Variants in TENM3 observed in about 807,000 individuals in gnomAD.
The protein encoded by TENM3 is teneurin transmembrane protein 3, also known as teneurin-3.
In TENM3, 63 loss-of-function variants were observed where a neutral mutation model predicts 255.1. The observed-to-expected ratio is 0.25, with a 90% CI of 0.20 to 0.30. The LOEUF is 0.30. TENM3 is among the 10% of genes least tolerant of loss of function. The pLI is 1.00. For missense variants in TENM3, 2,929 were observed against 3,461.1 expected (o/e 0.85, Z 3.86); for synonymous variants, 1,306 against 1,322.3 (o/e 0.99, Z 0.27).
chr4:181,735,005 C>T, the TENM3 span, among the ~76,000 whole-genome samples: 1 of 151,996 alleles, frequency 6.6e-6, no homozygotes, highest in East Asian at 1.9e-4. Flanking sequence ...AATAAAGAAG[C>T]AATTAACAAG....
At chr4:181,651,192 C>T in the TENM3 span, among the ~76,000 whole-genome samples, 1 of 152,160 alleles carries the variant, frequency 6.6e-6, no homozygotes, top group African/African-American at 2.4e-5. Context: ...ACAAAAGCTG[C>T]ATGGATATGA....
At chr4:182,034,412 T>A in the TENM3 span, among the ~76,000 whole-genome samples, 1 of 152,186 alleles carries the variant, frequency 6.6e-6, no homozygotes, top group African/African-American at 2.4e-5. Context: ...ATGTATGAAT[T>A]TGATCCTGTC....
chr4:182,702,676 C>T (rs552603461), intron 12 of TENM3, among the ~76,000 whole-genome samples: 5 of 151,818 alleles, frequency 3.3e-5, no homozygotes, highest in Non-Finnish European at 7.4e-5. Context: ...TTTCTGTGGA[C>T]GCACAGCTAG....
the TENM3 span, among the ~76,000 whole-genome samples, chr4:181,576,882 C>T: frequency 1.5e-5 from 2 of 135,948 alleles, no homozygotes; most frequent in Non-Finnish European, 3.1e-5. Context: ...GGCACGACCT[C>T]GGCTCACCGC....
chr4:181,719,094 T>C, the TENM3 span, among the ~76,000 whole-genome samples: 2 of 151,356 alleles, frequency 1.3e-5, no homozygotes, highest in Non-Finnish European at 3.0e-5. Flanking sequence ...TAGTCCCAGC[T>C]ACTCGGGAGG....
the TENM3 span, among the ~76,000 whole-genome samples, chr4:181,545,639 T>G: frequency 6.6e-6 from 1 of 152,196 alleles, no homozygotes; most frequent in South Asian, 2.1e-4. Context: ...TTCAATCTTT[T>G]AAAAAGAGTC....
the TENM3 span, among the ~76,000 whole-genome samples, chr4:181,632,443 C>A: frequency 6.6e-6 from 1 of 152,166 alleles, no homozygotes; most frequent in East Asian, 1.9e-4. Flanking sequence ...TAAAAATAGA[C>A]TCCTGCATTC....
intron 1 of TENM3, among the ~76,000 whole-genome samples, chr4:182,237,941 TATGATATTTAGGCCA>T (rs2150048558): frequency 6.6e-6 from 1 of 152,358 alleles, no homozygotes; most frequent in Non-Finnish European, 1.5e-5. Flanking sequence ...AAGTCCAGCC[TATGATATTTAGGCCA>T]AGAAATGGCA....
intron 3 of TENM3, among the ~76,000 whole-genome samples, chr4:182,582,321 T>C (rs1351629241): frequency 6.6e-6 from 1 of 152,218 alleles, no homozygotes; most frequent in African/African-American, 2.4e-5. Flanking sequence ...TGGAGAGCTT[T>C]GGGGTCATAC....
At chr4:182,027,918 G>A in the TENM3 span, among the ~76,000 whole-genome samples, 3 of 151,962 alleles carry the variant, frequency 2.0e-5, no homozygotes, top group Admixed American at 2.0e-4. Flanking sequence ...ATATTGGCCT[G>A]TAGTTGGGTT....
chr4:181,692,999 T>C, the TENM3 span, among the ~76,000 whole-genome samples: 2 of 152,122 alleles, frequency 1.3e-5, no homozygotes, highest in African/African-American at 4.8e-5. Context: ...TGGGATCCCC[T>C]TGGAGCCCCA....
chr4:182,728,114 G>T (rs1163827779), intron 13 of TENM3, among the ~76,000 whole-genome samples: 4 of 152,114 alleles, frequency 2.6e-5, no homozygotes, highest in Admixed American at 2.0e-4. Context: ...CTCCCAGAGT[G>T]CTGGGATTAC....
At chr4:181,874,748 A>G in the TENM3 span, among the ~76,000 whole-genome samples, 6 of 152,086 alleles carry the variant, frequency 3.9e-5, no homozygotes, top group African/African-American at 1.4e-4. Flanking sequence ...CCTACCATGC[A>G]TGTTCCAGAT....
At chr4:182,437,790 TCCGTCTA>T (rs1772153872) in intron 3 of TENM3, among the ~76,000 whole-genome samples, 2 of 127,882 alleles carry the variant, frequency 1.6e-5, no homozygotes, top group Non-Finnish European at 3.4e-5. Context: ...AGAGCGAGAC[TCCGTCTA>T]AAAAAAAAAA....
At chr4:182,396,543 CATGTT>C (rs1768824799) in intron 3 of TENM3, among the ~76,000 whole-genome samples, 1 of 152,150 alleles carries the variant, frequency 6.6e-6, no homozygotes, top group Non-Finnish European at 1.5e-5. Context: ...TCTTCATTGA[CATGTT>C]ATAAATTATT....
chr4:181,837,827 G>C, the TENM3 span, among the ~76,000 whole-genome samples: 1 of 152,156 alleles, frequency 6.6e-6, no homozygotes, highest in African/African-American at 2.4e-5. Context: ...ATGTGGCCAG[G>C]AGTGGGGAAA....
the TENM3 span, among the ~76,000 whole-genome samples, chr4:181,845,190 G>A: frequency 6.6e-6 from 1 of 152,078 alleles, no homozygotes; most frequent in Non-Finnish European, 1.5e-5. Flanking sequence ...TTCAAAACTT[G>A]AGACTATGTT....
chr4:181,465,970 A>T, the TENM3 span, among the ~76,000 whole-genome samples: 4 of 151,900 alleles, frequency 2.6e-5, no homozygotes, highest in Non-Finnish European at 4.4e-5. Flanking sequence ...TCTTCAGTTG[A>T]CTCCACACTT....
At chr4:182,697,835 G>A (rs764526303) in intron 12 of TENM3, 3 of 152,084 alleles carry the variant, frequency 2.0e-5, no homozygotes, top group Admixed American at 6.6e-5. Context: ...ATGCAAACCT[G>A]GTTCCTCTGA....
Sources: allele counts gnomAD v4.1 joint callset (sites outside exome capture counted in the v4.1 genomes callset), GRCh38; gene constraint gnomAD v4.1.1; transcripts MANE v1.5; gene names NCBI Gene and HGNC (gene_info 2026-07-23, HGNC 2026-07-21).